Variants in PIK3CG observed in about 807,000 individuals in gnomAD.
The protein encoded by PIK3CG is phosphatidylinositol 4,5-bisphosphate 3-kinase catalytic subunit gamma isoform.
A neutral mutation model predicts 102.3 loss-of-function variants in PIK3CG; 55 were observed. That is an observed-to-expected ratio of 0.54 (90% CI 0.43 to 0.67). The LOEUF (loss-of-function observed/expected upper bound fraction) is 0.67, where lower values mean the gene tolerates loss of function less well. Ranked by LOEUF, PIK3CG falls within the 30% of genes least tolerant of loss-of-function variation. The pLI, the probability that PIK3CG is intolerant of heterozygous loss-of-function variation, is 0.00. For synonymous variants in PIK3CG, 552 were observed against 540.0 expected, an observed-to-expected ratio of 1.02 and a Z score of -0.31; for missense variants, 1,258 against 1,391.8, an observed-to-expected ratio of 0.90 and a Z score of 1.53.
rs145918727 is a variant in PIK3CG, at chr7:106,905,712, G to A, written c.*325G>A. ...ACTATCTTACTATTGAGTGCTTCTG[G>A]AAATTCTTTGGAATAATTGATGACA... On this transcript the variant is annotated 3_prime_UTR_variant, in exon 11 of 11. Transcript: ENST00000496166. The surrounding 1 kb of genome is among the most constrained non-coding windows in gnomAD (Gnocchi z 5.6). 2 of 294,056 alleles carry A rather than the reference G, an allele frequency of 6.8e-6. No homozygotes were observed. The highest frequency in any genetic ancestry group is 4.3e-5 in the African/African-American group (2 of 46,678). The allele number at this position is 294,056 out of a possible 1,614,324, so 18.2% of individuals were successfully genotyped here. A position where few individuals can be genotyped will look rare whatever the true frequency, so the allele number is the denominator to read the frequency against.
In PIK3CG at chr7:106,868,858, A is replaced by G. The variant is rs755707095; in HGVS notation, c.1297A>G (p.Ile433Val). ...CAAAGGGGCTCTACTGAACCTCCAG[A>G]TCTACTGCGGTAAAGCTCCAGCACT... ...LPKGALLNLQ[I>V]YCGKAPALSS... The change falls in exon 2 of 11, where the codon ATC (isoleucine) becomes GTC (valine). Residue 433 changes from isoleucine (I) to valine (V), a missense_variant. Coordinates refer to ENST00000496166, the MANE Select transcript of PIK3CG (RefSeq NM_001282426.2). This position sits in a 1 kb window ranked among gnomAD's most constrained non-coding sequence, Gnocchi z 6.2. 5 of 1,614,084 alleles carry G rather than the reference A, an allele frequency of 3.1e-6. No individual in the cohort carries two copies. Among genetic ancestry groups the G allele is most frequent in the South Asian group, 2.2e-5 (2 of 91,080 alleles).
chr7:106,900,146 G>A (rs1205808811), intron 10 of PIK3CG, among the ~76,000 whole-genome samples: 1 of 152,084 alleles, frequency 6.6e-6, no homozygotes, highest in Non-Finnish European at 1.5e-5. Flanking sequence ...GTGCATATTT[G>A]TAGTAGTTTC....
Position 106,869,238 on chromosome 7 carries a change from A to T in PIK3CG, c.1677A>T (p.Ile559=), listed in dbSNP as rs529005691. 2.5e-6 allele frequency: 4 copies of T among 1,614,244 alleles called. No homozygotes were observed. In the African/African-American group the frequency reaches 5.3e-5, roughly 22 times the overall value. ...NQLRKQLEAI[I]ATDPLNPLTA... is the part of the protein sequence containing the mutation. ...TTCGCAAGCAATTGGAGGCGATCAT[A>T]GCCACTGATCCACTTAACCCTCTCA... Residue 559 remains isoleucine, a synonymous_variant, in exon 2 of 11, where the codon ATA becomes ATT. Coordinates refer to ENST00000496166, the MANE Select transcript of PIK3CG (RefSeq NM_001282426.2). The surrounding 1 kb of genome is among the most constrained non-coding windows in gnomAD (Gnocchi z 5.3).
intron 5 of PIK3CG, among the ~76,000 whole-genome samples, chr7:106,876,906 A>C (rs956852589): frequency 6.6e-6 from 1 of 152,150 alleles, no homozygotes; most frequent in African/African-American, 2.4e-5. Context: ...TTATCTAAGA[A>C]ATCTGTCTAG....
Position 106,882,128 on chromosome 7 carries a change from C to A in PIK3CG, c.2550C>A (p.Ile850=). The change falls in exon 7 of 11, where the codon ATC becomes ATA. Residue 850 remains isoleucine (I), a synonymous_variant. Transcript: ENST00000496166. ...QDMLILQILR[I]MESIWETESL... Reference sequence around the variant, plus strand: ...GTTTCGATGCCCAGATTCTACGAATCATGGAGTCTATTTGGGAGACTGAAT... The same window carrying A: ...GTTTCGATGCCCAGATTCTACGAATAATGGAGTCTATTTGGGAGACTGAAT... The A allele has an allele frequency of 1.3e-6, 2 of 1,505,728 alleles. No homozygotes were observed. Among genetic ancestry groups the A allele is most frequent in the South Asian group, 1.4e-5 (1 of 72,094 alleles). 93.3% of individuals were successfully genotyped at this position (1,505,728 alleles called of 1,614,324 possible).
chr7:106,868,364 A>C lies in PIK3CG; in HGVS notation c.803A>C (p.Gln268Pro). 6.2e-7 allele frequency: 1 copy of C among 1,614,250 alleles called. No homozygotes were observed. The highest frequency in any genetic ancestry group is 2.2e-5 in the East Asian group (1 of 44,880). ...LMDIPESQSE[Q>P]DFVLRVCGRD... is the part of the protein sequence containing the mutation. ...GATATTCCCGAAAGCCAAAGCGAACAGGATTTTGTGCTGCGCGTCTGTGGC... is the reference window on the plus strand; with the variant it reads ...GATATTCCCGAAAGCCAAAGCGAACCGGATTTTGTGCTGCGCGTCTGTGGC... The change falls in exon 2 of 11, where the codon CAG (glutamine) becomes CCG (proline). Residue 268 changes from glutamine (Q) to proline (P), a missense_variant. Gln to Pro is a moderately conservative substitution (Grantham distance 76, BLOSUM62 -1). Coordinates refer to ENST00000496166, the MANE Select transcript of PIK3CG (RefSeq NM_001282426.2). This position sits in a 1 kb window ranked among gnomAD's most constrained non-coding sequence, Gnocchi z 6.2.
At position 106,872,725 on chromosome 7, in the gene PIK3CG, G is replaced by T. The variant is rs1790576904; in HGVS notation, c.2074G>T (p.Gly692Cys). ...TACCTGCCCTCAGAACAAAAGAATT[G>T]GTCACTTTTTGTTTTGGTTCTTGAG... is the stretch of plus-strand genomic sequence containing the variant. ...LKRGLRNKRI[G>C]HFLFWFLRSE... The change falls in exon 4 of 11, where the codon GGT becomes TGT. Residue 692 changes from glycine to cysteine, a missense_variant. Around this residue, in one of 2 missense-constraint regions of PIK3CG, gnomAD observed 426 missense variants for 604.2 expected, o/e 0.71. Transcript: ENST00000496166. This position sits in a 1 kb window ranked among gnomAD's most constrained non-coding sequence, Gnocchi z 5.3. 6.2e-7 allele frequency: 1 copy of T among 1,613,360 alleles called. No homozygotes were observed. The highest frequency in any genetic ancestry group is 2.2e-5 in the East Asian group (1 of 44,876).
At position 106,887,933 on chromosome 7, in the gene PIK3CG, CTTT is replaced by C. The variant is rs71156344; in HGVS notation, c.3030+1665_3030+1667del. 7.3e-3 allele frequency among the ~76,000 whole-genome samples: 440 copies of C among 60,566 alleles called. 2 individuals are homozygous for C. The highest frequency in any genetic ancestry group is 0.011 in the Non-Finnish European group (374 of 35,188). The allele number at this position is 60,566 out of a possible 152,430, so 39.7% of individuals were successfully genotyped here. A position where few individuals can be genotyped will look rare whatever the true frequency, so the allele number is the denominator to read the frequency against. ...GAATTTGGCCTCATTGACGACTCTC[CTTT>C]TTTTTTTTTTTTTTTTTTTTTTTGA... On this transcript the variant is annotated intron_variant, in intron 10 of 10. Transcript: ENST00000496166.
chr7:106,894,548 A>T lies in PIK3CG; in HGVS notation c.3030+8256A>T, dbSNP rs967113283. ...GCACTGTTAGGTCTAATAATCAGTGACCTTCTCTGTTTTGCCAAAATAATT... is the reference window on the plus strand; with the variant it reads ...GCACTGTTAGGTCTAATAATCAGTGTCCTTCTCTGTTTTGCCAAAATAATT... On this transcript the variant is annotated intron_variant, in intron 10 of 10. Transcript: ENST00000496166. This position sits in a 1 kb window ranked among gnomAD's most constrained non-coding sequence, Gnocchi z 4.4. Among the ~76,000 whole-genome samples, 10 of 152,214 alleles carry T rather than the reference A, an allele frequency of 6.6e-5. No homozygotes were observed. Among genetic ancestry groups the T allele is most frequent in the African/African-American group, 2.4e-4 (10 of 41,454 alleles).
rs200568453 is a variant in PIK3CG at position 106,872,790 on chromosome 7, C to T, written c.2139C>T (p.Phe713=). 30 of 1,613,982 alleles carry T rather than the reference C, an allele frequency of 1.9e-5. No individual in the cohort carries two copies. The highest frequency in any genetic ancestry group is 3.3e-5 in the Admixed American group (2 of 60,004). The change falls in exon 4 of 11, where the codon TTC becomes TTT. Residue 713 remains phenylalanine, a synonymous_variant. Transcript: ENST00000496166. The surrounding 1 kb of genome is among the most constrained non-coding windows in gnomAD (Gnocchi z 5.3). ...IAQSRHYQQR[F]AVILEAYLRG... ...AGTCCAGACACTATCAGCAGAGGTT[C>T]GCTGTGATTCTGGAAGCCTATCTGA...
Position 106,880,492 on chromosome 7 carries a change from G to C in PIK3CG, c.2538+827G>C, listed in dbSNP as rs987059153. Among the ~76,000 whole-genome samples the C allele has an allele frequency of 1.3e-5, 2 of 152,102 alleles. No homozygotes were observed. Among genetic ancestry groups the C allele is most frequent in the African/African-American group, 4.8e-5 (2 of 41,416 alleles). On this transcript the variant is annotated intron_variant, in intron 6 of 10. Coordinates refer to ENST00000496166, the MANE Select transcript of PIK3CG (RefSeq NM_001282426.2). The surrounding 1 kb of genome is among the most constrained non-coding windows in gnomAD (Gnocchi z 4.2). ...CAAGAATGATCTATGTTTTGTCCAG[G>C]AGGTATTTTAGAAAAGAAAAAGAGA... is the stretch of plus-strand genomic sequence containing the variant.
Position 106,905,632 on chromosome 7 carries a change from A to G in PIK3CG, c.*245A>G. ...TTTTCTCATTTGTCTGTGGCATTGG[A>G]GAATATTCTCGGTTTAAACAGACTA... On this transcript the variant is annotated 3_prime_UTR_variant, in exon 11 of 11. Coordinates refer to ENST00000496166, the MANE Select transcript of PIK3CG (RefSeq NM_001282426.2). This position sits in a 1 kb window ranked among gnomAD's most constrained non-coding sequence, Gnocchi z 5.6. 1 of 512,942 alleles carries G rather than the reference A, an allele frequency of 1.9e-6. No homozygotes were observed. Among genetic ancestry groups the G allele is most frequent in the East Asian group, 3.2e-5 (1 of 31,102 alleles). 31.8% of individuals were successfully genotyped at this position (512,942 alleles called of 1,614,324 possible).
intron 4 of PIK3CG, 72 bp downstream of exon 4, chr7:106,873,010 C>A (rs1373734097): frequency 9.7e-6 from 11 of 1,137,212 alleles, no homozygotes; most frequent in Non-Finnish European, 1.3e-6. Flanking sequence ...TCCTATAATT[C>A]TTTTTCTTCC....
intron 10 of PIK3CG, among the ~76,000 whole-genome samples, chr7:106,887,933 C>CTTTT (rs71156344): frequency 1.8e-4 from 11 of 60,612 alleles, no homozygotes; most frequent in South Asian, 6.8e-4. Flanking sequence ...GACGACTCTC[C>CTTTT]TTTTTTTTTT....
Position 106,868,106 on chromosome 7 carries a change from C to T in PIK3CG, c.545C>T (p.Thr182Ile), listed in dbSNP as rs368836634. 5.6e-6 allele frequency: 9 copies of T among 1,613,014 alleles called. No individual in the cohort carries two copies. The highest frequency in any genetic ancestry group is 1.1e-5 in the South Asian group (1 of 91,056). The part of the protein sequence containing the change: ...ELEFTRRGLV[T>I]PRMAEVASRD... ...GAGTTCACGCGCCGTGGCTTGGTGACCCCGCGCATGGCGGAGGTGGCCAGC... is the reference window on the plus strand; with the variant it reads ...GAGTTCACGCGCCGTGGCTTGGTGATCCCGCGCATGGCGGAGGTGGCCAGC... Residue 182 changes from threonine (T) to isoleucine (I), a missense_variant, in exon 2 of 11, where the codon ACC (threonine) becomes ATC (isoleucine). Transcript: ENST00000496166. The surrounding 1 kb of genome is among the most constrained non-coding windows in gnomAD (Gnocchi z 6.2).
rs1372727824 is a variant in PIK3CG, at chr7:106,880,643, A to T, written c.2538+978A>T. Among the ~76,000 whole-genome samples the T allele has an allele frequency of 6.6e-6, 1 of 152,056 alleles. No homozygotes were observed. The highest frequency in any genetic ancestry group is 6.5e-5 in the Admixed American group (1 of 15,272). ...TGTTGGTCCTCTCATTTTGAGTGAA[A>T]GTTTGCCTTTGCCCTTTATGTACTT... is the stretch of plus-strand genomic sequence containing the variant. On this transcript the variant is annotated intron_variant, in intron 6 of 10. Transcript: ENST00000496166. The surrounding 1 kb of genome is among the most constrained non-coding windows in gnomAD (Gnocchi z 4.2).
rs2116562982 is a variant in PIK3CG, at chr7:106,886,293, G to T, written c.3030+1G>T. On this transcript the variant is annotated splice_donor_variant, in intron 10 of 10. Transcript: ENST00000496166. LOFTEE classifies it high-confidence loss of function. ...AAGCCCACACTTCCAGAAATTTCAG[G>T]TAAGTCACCTCCTTCATCGCCTGCT... 2 of 1,613,940 alleles carry T rather than the reference G, an allele frequency of 1.2e-6. No individual in the cohort carries two copies. Among genetic ancestry groups the T allele is most frequent in the Non-Finnish European group, 1.7e-6 (2 of 1,179,942 alleles).
chr7:106,879,505 C>T lies in PIK3CG; in HGVS notation c.2392-14C>T. 6.2e-7 allele frequency: 1 copy of T among 1,609,740 alleles called. No homozygotes were observed. Among genetic ancestry groups the T allele is most frequent in the Non-Finnish European group, 8.5e-7 (1 of 1,176,294 alleles). ...TTCATTGTGTGTGGGGAATATGTGA[C>T]TGCTTCCTTACAGATTGAAAAATGT... On this transcript the variant is annotated splice_polypyrimidine_tract_variant and intron_variant, in intron 5 of 10. Transcript: ENST00000496166. The surrounding 1 kb of genome is among the most constrained non-coding windows in gnomAD (Gnocchi z 4.9).
At chr7:106,886,104 G>A in intron 9 of PIK3CG, 31 bp from the exon 10 acceptor site, 1 of 1,602,308 alleles carries the variant, frequency 6.2e-7, no homozygotes, top group Middle Eastern at 1.7e-4. Flanking sequence ...CTGTGCCACT[G>A]TAATGATGTC....
Sources: allele counts gnomAD v4.1 joint callset (sites outside exome capture counted in the v4.1 genomes callset), GRCh38; gene constraint gnomAD v4.1.1; regional missense constraint gnomAD v4.1.1; non-coding constraint Gnocchi (gnomAD v3.1); transcripts MANE v1.5; gene names NCBI Gene and HGNC (gene_info 2026-07-23, HGNC 2026-07-21).